LIN9: variants seen among roughly 807,000 people sequenced by gnomAD.
The protein encoded by LIN9 is protein lin-9 homolog.
Under a neutral mutation model 78.0 loss-of-function variants are expected in LIN9, and 18 were observed. The observed-to-expected ratio is 0.23, with a 90% CI of 0.16 to 0.34. The LOEUF (loss-of-function observed/expected upper bound fraction) is 0.34. Among genes scored for constraint, LIN9 ranks in the 10% least tolerant of loss-of-function variants. The probability of loss-of-function intolerance (pLI) is 1.00; values close to 1 mark genes in which losing one functional copy is unlikely to be tolerated. For missense variants in LIN9, 451 were observed against 644.1 expected (o/e 0.70, Z 3.25); for synonymous variants, 192 against 215.2 (o/e 0.89, Z 0.94).
In LIN9 at chr1:226,237,952, C is replaced by CAA. The variant is rs33927134; in HGVS notation, c.1245+1017_1245+1018dup. On this transcript the variant is annotated intron_variant, in intron 12 of 14. Transcript: ENST00000681046. ...TGGGCAACAGAGTAAGACTCTGTCT[C>CAA]AAAAAAAAAAAAAAAAGAATCTGAT... Among the ~76,000 whole-genome samples, 3 of 133,584 alleles carry CAA rather than the reference C, an allele frequency of 2.2e-5. No homozygotes were observed. In the East Asian group the frequency reaches 6.5e-4, roughly 29 times the overall value. The allele number at this position is 133,584 out of a possible 152,430, so 87.6% of individuals were successfully genotyped here. A position where few individuals can be genotyped will look rare whatever the true frequency, so the allele number is the denominator to read the frequency against.
At chr1:226,247,437 A>G (rs1431355158) in intron 11 of LIN9, among the ~76,000 whole-genome samples, 1 of 152,126 alleles carries the variant, frequency 6.6e-6, no homozygotes, top group Non-Finnish European at 1.5e-5. Flanking sequence ...ATATTCCTCC[A>G]AAGAGGACTT....
chr1:226,263,088 A>T (rs1659695970), intron 10 of LIN9, among the ~76,000 whole-genome samples: 1 of 152,228 alleles, frequency 6.6e-6, no homozygotes, highest in African/African-American at 2.4e-5. Flanking sequence ...CAAAAGATAA[A>T]ACTATGGAAA....
In LIN9 at chr1:226,265,504, A is replaced by C. The variant is rs1224303361; in HGVS notation, c.1038+29T>G. ...TAAAAGGCATTGAGTTTTTAAACAA[A>C]CAGCCAAGATATTCAGAACAATTCT... On this transcript the variant is annotated intron_variant, in intron 10 of 14. Transcript: ENST00000681046. The surrounding 1 kb of genome is among the most constrained non-coding windows in gnomAD (Gnocchi z 4.1). 1.4e-6 allele frequency: 2 copies of C among 1,424,226 alleles called. No individual in the cohort carries two copies. The highest frequency in any genetic ancestry group is 2.0e-6 in the Non-Finnish European group (2 of 1,016,620). 88.2% of individuals were successfully genotyped at this position (1,424,226 alleles called of 1,614,324 possible).
In LIN9 at chr1:226,232,102, C is replaced by T; in HGVS notation, c.*399G>A. ...TTTTCTGGATGGAATTTCCACACTG[C>T]CACCGACATGAATAAAAAGACCAGG... On this transcript the variant is annotated 3_prime_UTR_variant, in exon 15 of 15. Transcript: ENST00000681046. The T allele has an allele frequency of 2.5e-6, 1 of 398,724 alleles. No individual in the cohort carries two copies. The highest frequency in any genetic ancestry group is 4.4e-6 in the Non-Finnish European group (1 of 226,078). The allele number at this position is 398,724 out of a possible 1,614,324, so 24.7% of individuals were successfully genotyped here.
In LIN9 at chr1:226,239,225, G is replaced by GT; in HGVS notation, c.1120-130dup. The GT allele has an allele frequency of 1.0e-5, 9 of 877,170 alleles. 1 individual carries two copies. The South Asian group carries it at 1.5e-4, about 14-fold the overall frequency. 54.3% of individuals were successfully genotyped at this position (877,170 alleles called of 1,614,324 possible). On this transcript the variant is annotated intron_variant, in intron 11 of 14. Transcript: ENST00000681046. ...GTTATTAAATTTGTCTGTTTTAATTGTTATAGTCTTGTCTGTGATAATGGC... is the reference window on the plus strand; with the variant it reads ...GTTATTAAATTTGTCTGTTTTAATTGTTTATAGTCTTGTCTGTGATAATGGC...
In LIN9 at chr1:226,267,915, T is replaced by C. The variant is rs369363665; in HGVS notation, c.816+42A>G. 3.8e-6 allele frequency: 6 copies of C among 1,579,818 alleles called. No homozygotes were observed. The African/African-American group carries it at 8.2e-5, about 21-fold the overall frequency. ...CTAAAAAAACTCTATATAACACATT[T>C]AACAGGCATAAAACACAAATGTATT... On this transcript the variant is annotated intron_variant, in intron 8 of 14. Coordinates refer to ENST00000681046, the MANE Select transcript of LIN9 (RefSeq NM_001366245.2).
intron 12 of LIN9, among the ~76,000 whole-genome samples, chr1:226,235,322 CAAAAAAAAA>C (rs375690849): frequency 3.4e-5 from 2 of 59,694 alleles, no homozygotes; most frequent in South Asian, 9.2e-4. Context: ...AAATCCGTCT[CAAAAAAAAA>C]AAAAAAAAAA....
At chr1:226,233,777 A>G (rs1472028614) in intron 12 of LIN9, among the ~76,000 whole-genome samples, 1 of 152,178 alleles carries the variant, frequency 6.6e-6, no homozygotes, top group Non-Finnish European at 1.5e-5. Flanking sequence ...GATAACATTT[A>G]CTCAGATTTA....
intron 4 of LIN9, among the ~76,000 whole-genome samples, chr1:226,290,732 A>G (rs1558199253): frequency 6.6e-6 from 1 of 152,138 alleles, no homozygotes; most frequent in Non-Finnish European, 1.5e-5. Context: ...TCTAATATAT[A>G]TAAACCAGTA....
At chr1:226,259,808 A>G (rs971308670) in intron 10 of LIN9, among the ~76,000 whole-genome samples, 1 of 152,102 alleles carries the variant, frequency 6.6e-6, no homozygotes, top group Non-Finnish European at 1.5e-5. Flanking sequence ...TATCGAATGC[A>G]TATATTAGTA....
Position 226,307,886 on chromosome 1 carries a change from T to C in LIN9, c.31+1223A>G, listed in dbSNP as rs75664765. Among the ~76,000 whole-genome samples the C allele has an allele frequency of 1.8e-3, 276 of 152,374 alleles. 1 individual carries two copies. Among genetic ancestry groups the C allele is most frequent in the African/African-American group, 6.2e-3 (257 of 41,592 alleles). ...TGGACATCACAAAAGAGAACAGTTCTATCATGGACAAAGTTCCTTGGGGAC... is the reference window on the plus strand; with the variant it reads ...TGGACATCACAAAAGAGAACAGTTCCATCATGGACAAAGTTCCTTGGGGAC... On this transcript the variant is annotated intron_variant, in intron 1 of 14. Transcript: ENST00000681046.
At chr1:226,301,776 G>A (rs1662549724) in intron 1 of LIN9, among the ~76,000 whole-genome samples, 1 of 152,212 alleles carries the variant, frequency 6.6e-6, no homozygotes, top group African/African-American at 2.4e-5. Context: ...AAACTCCAGT[G>A]TACATTAGAG....
At position 226,286,437 on chromosome 1, in the gene LIN9, A is replaced by G. The variant is rs1661383585; in HGVS notation, c.420T>C (p.Asn140=). 1 of 1,586,652 alleles carries G rather than the reference A, an allele frequency of 6.3e-7. No homozygotes were observed. The highest frequency in any genetic ancestry group is 1.4e-5 in the African/African-American group (1 of 73,796). Residue 140 remains asparagine (N), a synonymous_variant, in exon 6 of 15, where the codon AAT becomes AAC. Transcript: ENST00000681046. ...ATTCCTTTAGACATACACAGAAGTC[A>G]TTATCACCTTCAAAAAGTGGTCTGT... ...NIDKPLFEGD[N]DFCVCLKESF...
chr1:226,302,793 G>T (rs1243655184), intron 1 of LIN9, among the ~76,000 whole-genome samples: 2 of 152,148 alleles, frequency 1.3e-5, no homozygotes, highest in African/African-American at 4.8e-5. Flanking sequence ...TCATATAAAT[G>T]GATAACAGAC....
At chr1:226,243,424 G>A (rs1389864321) in intron 11 of LIN9, among the ~76,000 whole-genome samples, 1 of 152,172 alleles carries the variant, frequency 6.6e-6, no homozygotes, top group Non-Finnish European at 1.5e-5. Context: ...GCCGGGCATG[G>A]TGGTTCAGGC....
Position 226,239,068 on chromosome 1 carries a change from T to G in LIN9, c.1148A>C (p.Glu383Ala), listed in dbSNP as rs777442634. ...AATTGTTGCATATCTCCGCTGAAAT[T>G]CAATGCTGATGGGCATGGAATATGA... is the stretch of plus-strand genomic sequence containing the variant. ...LKSYSMPISI[E>A]FQRRYATIVL... is the part of the protein sequence containing the mutation. The change falls in exon 12 of 15, where the codon GAA (glutamate) becomes GCA (alanine). Residue 383 changes from glutamate to alanine, a missense_variant. By Grantham distance (107) the Glu-to-Ala change is moderately radical. Coordinates refer to ENST00000681046, the MANE Select transcript of LIN9 (RefSeq NM_001366245.2). 1 of 1,613,818 alleles carries G rather than the reference T, an allele frequency of 6.2e-7. No homozygotes were observed. The highest frequency in any genetic ancestry group is 8.5e-7 in the Non-Finnish European group (1 of 1,179,902).
chr1:226,263,814 G>C (rs114938600), intron 10 of LIN9, among the ~76,000 whole-genome samples: 207 of 152,272 alleles, frequency 1.4e-3, no homozygotes, highest in African/African-American at 4.7e-3. Flanking sequence ...ACTCAAGCCT[G>C]TAATCTTAGC....
At chr1:226,279,301 T>C (rs113023742) in intron 6 of LIN9, among the ~76,000 whole-genome samples, 4,781 of 151,546 alleles carry the variant, frequency 0.032, 247 homozygotes, top group African/African-American at 0.11. Context: ...ACTTTGTTTC[T>C]GCTAAAAATA....
Position 226,280,110 on chromosome 1 carries a change from C to T in LIN9, c.525-2178G>A, listed in dbSNP as rs563287135. ...CTTAAAAGTATAAATGCTGAATTCC[C>T]TCTTATTTCTAGAGCCTATCTTCCT... On this transcript the variant is annotated intron_variant, in intron 6 of 14. Coordinates refer to ENST00000681046, the MANE Select transcript of LIN9 (RefSeq NM_001366245.2). Among the ~76,000 whole-genome samples the T allele has an allele frequency of 3.9e-5, 6 of 152,264 alleles. No homozygotes were observed. The South Asian group carries it at 1.2e-3, about 32-fold the overall frequency.
Sources: allele counts gnomAD v4.1 joint callset (sites outside exome capture counted in the v4.1 genomes callset), GRCh38; gene constraint gnomAD v4.1.1; non-coding constraint Gnocchi (gnomAD v3.1); transcripts MANE v1.5; gene names NCBI Gene and HGNC (gene_info 2026-07-23, HGNC 2026-07-21).